HCK: variants seen among roughly 807,000 people sequenced by gnomAD.
The protein encoded by HCK is tyrosine-protein kinase HCK.
In HCK, 40 loss-of-function variants were observed where a neutral mutation model predicts 70.4. The ratio of observed to expected loss-of-function variants is 0.57; its 90% CI spans 0.44 to 0.74. HCK has a LOEUF of 0.74. Among genes scored for constraint, HCK ranks in the 30% least tolerant of loss-of-function variants. The probability of loss-of-function intolerance (pLI) is 0.00; values close to 1 mark genes in which losing one functional copy is unlikely to be tolerated. For missense variants in HCK, 568 were observed against 697.2 expected (o/e 0.81, Z 2.09); for synonymous variants, 245 against 263.2 (o/e 0.93, Z 0.67).
intron 1 of HCK, among the ~76,000 whole-genome samples, chr20:32,065,783 C>A (rs1017792329): frequency 6.6e-6 from 1 of 152,150 alleles, no homozygotes; most frequent in Admixed American, 6.5e-5. Context: ...TTCCTGAAGG[C>A]AAGGGTGGGA....
At chr20:32,070,501 T>C (rs939252658) in intron 1 of HCK, among the ~76,000 whole-genome samples, 2 of 152,182 alleles carry the variant, frequency 1.3e-5, no homozygotes, top group Non-Finnish European at 2.9e-5. Flanking sequence ...TCCCTCTGCC[T>C]GGAACACTCT....
At chr20:32,083,467 C>T (rs1401824324) in intron 6 of HCK, among the ~76,000 whole-genome samples, 1 of 152,116 alleles carries the variant, frequency 6.6e-6, no homozygotes, top group African/African-American at 2.4e-5. Context: ...ACTATGGTCT[C>T]TTGGCTTTTT....
chr20:32,070,863 G>A (rs1600717262), intron 1 of HCK, among the ~76,000 whole-genome samples: 1 of 150,580 alleles, frequency 6.6e-6, no homozygotes, highest in East Asian at 1.9e-4. Context: ...AAAGAGAGGA[G>A]GAAGAGGAAG....
chr20:32,077,686 C>T (rs112331783), intron 5 of HCK, among the ~76,000 whole-genome samples: 6,242 of 152,080 alleles, frequency 0.041, 414 homozygotes, highest in African/African-American at 0.13. Flanking sequence ...GCCACCATAC[C>T]TAGCTAATTT....
At chr20:32,074,444 T>G (rs6061153) in intron 4 of HCK, among the ~76,000 whole-genome samples, 179 bp from the exon 5 acceptor site, 79,478 of 151,806 alleles carry the variant, frequency 0.52, 23,307 homozygotes, top group East Asian at 0.71. Flanking sequence ...GCAGGAACTG[T>G]TGTAAGGATC....
chr20:32,064,619 G>C (rs1422864949), intron 1 of HCK, among the ~76,000 whole-genome samples: 4 of 152,176 alleles, frequency 2.6e-5, no homozygotes, highest in Admixed American at 2.6e-4. Flanking sequence ...ACAATCCAGG[G>C]CTTCACACCC....
intron 8 of HCK, among the ~76,000 whole-genome samples, chr20:32,085,347 T>G (rs139771538): frequency 6.6e-6 from 1 of 152,172 alleles, no homozygotes; most frequent in East Asian, 1.9e-4. Flanking sequence ...ATCCCGTCTC[T>G]ACGAAAAAAT....
At chr20:32,086,373 G>T (rs188392580) in intron 8 of HCK, among the ~76,000 whole-genome samples, 46 of 152,336 alleles carry the variant, frequency 3.0e-4, no homozygotes, top group African/African-American at 1.1e-3. Flanking sequence ...CCACTTTACA[G>T]ATGAGGAAGC....
chr20:32,067,023 A>G (rs2045469146), intron 1 of HCK, among the ~76,000 whole-genome samples: 1 of 152,170 alleles, frequency 6.6e-6, no homozygotes, highest in South Asian at 2.1e-4. Context: ...CTTGCTGCTC[A>G]ATTATTATTG....
chr20:32,080,951 T>C (rs986588414), intron 6 of HCK, among the ~76,000 whole-genome samples: 1 of 151,926 alleles, frequency 6.6e-6, no homozygotes, highest in East Asian at 1.9e-4. Flanking sequence ...TAGCCAAGCA[T>C]GGTGGTGCAC....
chr20:32,086,453 G>C (rs8121958), intron 8 of HCK, among the ~76,000 whole-genome samples, 175 bp from the exon 9 acceptor site: 1 of 152,218 alleles, frequency 6.6e-6, no homozygotes, highest in Non-Finnish European at 1.5e-5. Flanking sequence ...TGGTGAACCC[G>C]CCTTTCAACC....
chr20:32,055,065 T>C (rs1470550524), intron 1 of HCK, among the ~76,000 whole-genome samples: 2 of 152,174 alleles, frequency 1.3e-5, no homozygotes, highest in Admixed American at 1.3e-4. Context: ...CAACGAACAA[T>C]ATTGACAGGA....
chr20:32,071,839 C>A, intron 2 of HCK, 57 bp downstream of exon 2: 2 of 1,581,820 alleles, frequency 1.3e-6, no homozygotes, highest in South Asian at 1.2e-5. Flanking sequence ...CCCAACATTG[C>A]CCTAACAGCC....
At chr20:32,072,782 A>C (rs2122530466) in intron 2 of HCK, among the ~76,000 whole-genome samples, 1 of 152,140 alleles carries the variant, frequency 6.6e-6, no homozygotes, top group African/African-American at 2.4e-5. Context: ...GGGGTCAAGC[A>C]GCATCCCCCG....
intron 1 of HCK, among the ~76,000 whole-genome samples, chr20:32,055,861 T>A (rs555471526): frequency 3.3e-5 from 5 of 152,212 alleles, no homozygotes; most frequent in Admixed American, 3.3e-4. Context: ...CAACCACCAA[T>A]CTGCTTTTTG....
intron 1 of HCK, among the ~76,000 whole-genome samples, chr20:32,066,303 C>CT (rs35827345): frequency 0.021 from 975 of 46,188 alleles, 161 homozygotes; most frequent in African/African-American, 0.03. Flanking sequence ...CCTCCAGTGA[C>CT]TTTTTTTTTT....
At chr20:32,101,285 C>T (rs767831018) in intron 12 of HCK, 32 bp from the exon 13 acceptor site, 7 of 1,604,828 alleles carry the variant, frequency 4.4e-6, no homozygotes, top group Non-Finnish European at 5.1e-6. Flanking sequence ...TTCCCAACTG[C>T]TTCCGTTTCT....
chr20:32,081,980 C>G (rs542453226), intron 6 of HCK, among the ~76,000 whole-genome samples: 2 of 152,316 alleles, frequency 1.3e-5, no homozygotes, highest in African/African-American at 4.8e-5. Flanking sequence ...CACCCTGCTG[C>G]TTCCTGGATC....
chr20:32,056,632 G>T (rs1330641941), intron 1 of HCK, among the ~76,000 whole-genome samples: 1 of 151,762 alleles, frequency 6.6e-6, no homozygotes, highest in Non-Finnish European at 1.5e-5. Flanking sequence ...TCACATCCTT[G>T]CCAATGCCTA....
Sources: gnomAD v4.1 joint callset for allele counts (sites outside exome capture counted in the v4.1 genomes callset) on GRCh38, gnomAD v4.1.1 for gene constraint, MANE v1.5 for transcripts, NCBI Gene and HGNC (gene_info 2026-07-23, HGNC 2026-07-21) for gene names.